LRBA: variants seen among roughly 807,000 people sequenced by gnomAD.
LRBA encodes the protein lipopolysaccharide-responsive and beige-like anchor protein.
Under a neutral mutation model 330.0 loss-of-function variants are expected in LRBA, and 176 were observed. The observed-to-expected ratio is 0.53, with a 90% CI of 0.47 to 0.60. The LOEUF is 0.60. Ranked by LOEUF, LRBA falls within the 20% of genes least tolerant of loss-of-function variation. The probability of loss-of-function intolerance (pLI) is 0.00; values close to 1 mark genes in which losing one functional copy is unlikely to be tolerated. For synonymous variants in LRBA, 1,230 were observed against 1,193.0 expected, an observed-to-expected ratio of 1.03 and a Z score of -0.64; for missense variants, 3,259 against 3,444.8, an observed-to-expected ratio of 0.95 and a Z score of 1.35.
At chr4:150,842,262 G>T in intron 28 of LRBA, among the ~76,000 whole-genome samples, 1 of 152,092 alleles carries the variant, frequency 6.6e-6, no homozygotes, top group African/African-American at 2.4e-5. Flanking sequence ...AGAGAATTCT[G>T]AAAGAAAAAG....
rs1424674965 is a variant in LRBA, at chr4:150,848,836, G to A, written c.4321C>T (p.Arg1441Trp). Residue 1441 changes from arginine (R) to tryptophan (W), a missense_variant, in exon 26 of 57, where the codon CGG becomes TGG. Arg to Trp is a moderately radical substitution (Grantham distance 101, BLOSUM62 -3). Transcript: ENST00000651943. ...EKSMSSGGIL[R>W]QCLRLVCAVA... Reference sequence around the variant, plus strand: ...AGCTCACCTAGTCGGAGACACTGCCGCAAAATTCCTCCAGATGACATACTT... The same window carrying A: ...AGCTCACCTAGTCGGAGACACTGCCACAAAATTCCTCCAGATGACATACTT... 8 of 1,604,134 alleles carry A rather than the reference G, an allele frequency of 5.0e-6. No individual in the cohort carries two copies. The highest frequency in any genetic ancestry group is 1.1e-5 in the South Asian group (1 of 89,242).
intron 2 of LRBA, among the ~76,000 whole-genome samples, chr4:150,937,225 A>G (rs55644104): frequency 6.6e-6 from 1 of 152,102 alleles, no homozygotes; most frequent in Non-Finnish European, 1.5e-5. Context: ...ATATGTATGC[A>G]TATCTATTAT....
intron 40 of LRBA, among the ~76,000 whole-genome samples, chr4:150,537,132 C>T (rs1483014944): frequency 6.6e-6 from 1 of 152,084 alleles, no homozygotes; most frequent in Non-Finnish European, 1.5e-5. Flanking sequence ...CAAAAACAGA[C>T]ACATAGACCA....
chr4:150,444,422 TA>T (rs1485883355), intron 44 of LRBA, among the ~76,000 whole-genome samples: 1 of 152,118 alleles, frequency 6.6e-6, no homozygotes, highest in Non-Finnish European at 1.5e-5. Flanking sequence ...TTGCCACTGT[TA>T]GGGGGTGCAG....
chr4:150,544,588 A>C (rs75835843), intron 40 of LRBA, among the ~76,000 whole-genome samples: 120 of 151,982 alleles, frequency 7.9e-4, no homozygotes, highest in African/African-American at 2.5e-3. Context: ...TTTCCATGCT[A>C]CTCCACACTT....
At chr4:150,616,683 A>G (rs1278924590) in intron 37 of LRBA, among the ~76,000 whole-genome samples, 2 of 152,218 alleles carry the variant, frequency 1.3e-5, no homozygotes, top group African/African-American at 4.8e-5. Flanking sequence ...AGCAAGTTCA[A>G]GAGAGAATAG....
At chr4:150,538,912 T>C (rs1764997651) in intron 40 of LRBA, among the ~76,000 whole-genome samples, 1 of 152,046 alleles carries the variant, frequency 6.6e-6, no homozygotes. Context: ...TTATTCAATA[T>C]TCCCATGTAA....
At chr4:150,863,123 C>G (rs1021589488) in intron 22 of LRBA, among the ~76,000 whole-genome samples, 38 of 152,098 alleles carry the variant, frequency 2.5e-4, no homozygotes, top group African/African-American at 9.2e-4. Flanking sequence ...ACAGTAAGAC[C>G]TCGTCTCTAC....
Position 150,900,119 on chromosome 4 carries a change from C to G in LRBA, c.1854G>C (p.Met618Ile). ...CCCAGTAGTAGTACTTCAGCGTGTG[C>G]ATGATGAGAAGCACTGTTCCAACTC... ...IRRVGTVLLI[M>I]HTLKYYYWAV... Residue 618 changes from methionine to isoleucine, a missense_variant, in exon 14 of 57, where the codon ATG becomes ATC. By Grantham distance (10) the Met-to-Ile change is conservative. Coordinates refer to ENST00000651943, the MANE Select transcript of LRBA (RefSeq NM_001364905.1). The G allele has an allele frequency of 6.2e-7, 1 of 1,613,114 alleles. No individual in the cohort carries two copies. The highest frequency in any genetic ancestry group is 1.1e-5 in the South Asian group (1 of 91,050).
intron 35 of LRBA, among the ~76,000 whole-genome samples, chr4:150,736,528 G>C (rs1420213271): frequency 1.3e-5 from 2 of 151,978 alleles, no homozygotes; most frequent in African/African-American, 2.4e-5. Context: ...CTGAAAGATA[G>C]GTCAATGACA....
chr4:150,940,239 TAAAA>T (rs11455731), intron 2 of LRBA, among the ~76,000 whole-genome samples: 1 of 142,438 alleles, frequency 7.0e-6, no homozygotes, highest in African/African-American at 2.6e-5. Flanking sequence ...CCTGGTCTCT[TAAAA>T]AAAAAAAAAA....
At chr4:150,662,628 TAAG>T (rs1365347309) in intron 37 of LRBA, among the ~76,000 whole-genome samples, 1 of 152,126 alleles carries the variant, frequency 6.6e-6, no homozygotes, top group Non-Finnish European at 1.5e-5. Context: ...AAGTGTAAGA[TAAG>T]AACACTATTG....
chr4:150,594,604 G>A (rs976458940), intron 38 of LRBA, among the ~76,000 whole-genome samples: 1 of 151,868 alleles, frequency 6.6e-6, no homozygotes, highest in East Asian at 1.9e-4. Flanking sequence ...TCATTATTAA[G>A]AAATGCCTTT....
chr4:150,946,280 C>T (rs1189942950), intron 2 of LRBA, among the ~76,000 whole-genome samples: 1 of 152,086 alleles, frequency 6.6e-6, no homozygotes, highest in African/African-American at 2.4e-5. Flanking sequence ...CAAAGAAGAA[C>T]TAATTGACAT....
At chr4:150,294,904 T>A (rs939070332) in intron 53 of LRBA, among the ~76,000 whole-genome samples, 3 of 151,614 alleles carry the variant, frequency 2.0e-5, no homozygotes, top group Non-Finnish European at 4.4e-5. Flanking sequence ...TGAGCCAAGA[T>A]CCCACCACTG....
chr4:150,372,692 T>A, intron 47 of LRBA, among the ~76,000 whole-genome samples: 1 of 148,448 alleles, frequency 6.7e-6, no homozygotes, highest in Admixed American at 6.8e-5. Context: ...CTCATTTAAA[T>A]GTAAAAACAA....
At chr4:150,311,352 G>A (rs1731033296) in intron 51 of LRBA, 1 of 152,154 alleles carries the variant, frequency 6.6e-6, no homozygotes, top group South Asian at 2.1e-4. Context: ...ACAAACTTCT[G>A]CATCCGATTA....
At chr4:150,474,042 T>C (rs1756439393) in intron 42 of LRBA, among the ~76,000 whole-genome samples, 1 of 152,190 alleles carries the variant, frequency 6.6e-6, no homozygotes, top group Non-Finnish European at 1.5e-5. Flanking sequence ...ATCTGAGAAC[T>C]GTTTGCCTTT....
At chr4:150,375,080 GT>G (rs1453753774) in intron 47 of LRBA, among the ~76,000 whole-genome samples, 3 of 19,588 alleles carry the variant, frequency 1.5e-4, no homozygotes, top group African/African-American at 3.6e-4. Flanking sequence ...GCCTGTAAGA[GT>G]AAGGGGGGGA....
Sources: allele counts gnomAD v4.1 joint callset (sites outside exome capture counted in the v4.1 genomes callset), GRCh38; gene constraint gnomAD v4.1.1; transcripts MANE v1.5; gene names NCBI Gene and HGNC (gene_info 2026-07-23, HGNC 2026-07-21).